Variants in VWF observed in about 807,000 individuals in gnomAD.
VWF encodes von Willebrand factor.
In VWF, 176 loss-of-function variants were observed where a neutral mutation model predicts 308.6. The ratio of observed to expected loss-of-function variants is 0.57; its 90% CI spans 0.50 to 0.65. The LOEUF (loss-of-function observed/expected upper bound fraction) is 0.65. Ranked by LOEUF, VWF falls within the 30% of genes least tolerant of loss-of-function variation. The pLI is 0.00. For synonymous variants in VWF, 1,385 were observed against 1,443.4 expected (o/e 0.96, Z 0.92); for missense variants, 3,146 against 3,648.2 (o/e 0.86, Z 3.55).
rs140419498 is a variant in VWF at position 6,121,313 on chromosome 12, G to A, written c.81C>T (p.Arg27=). 485 of 1,614,132 alleles carry A rather than the reference G, an allele frequency of 3.0e-4. No homozygotes were observed. Among genetic ancestry groups the A allele is most frequent in the African/African-American group, 6.7e-4 (50 of 75,042 alleles). The change falls in exon 3 of 52, where the codon CGC becomes CGT. Residue 27 remains arginine, a synonymous_variant. Transcript: ENST00000261405. ...LPGTLCAEGT[R]GRSSTARCSL... is the part of the protein sequence containing the mutation. ...TGCATCGGGCCGTGGATGACCTGCC[G>A]CGAGTTCCTTCTGCACAAAGGGTCC...
chr12:6,006,417 C>T (rs1182000256), intron 34 of VWF, among the ~76,000 whole-genome samples: 1 of 152,108 alleles, frequency 6.6e-6, no homozygotes, highest in Non-Finnish European at 1.5e-5. Flanking sequence ...TCCATAGTTA[C>T]TTTAAGTATA....
chr12:5,951,749 G>A (rs1315322690), intron 50 of VWF, 95 bp downstream of exon 50: 7 of 1,329,498 alleles, frequency 5.3e-6, no homozygotes, highest in South Asian at 1.2e-5. Flanking sequence ...GAACAGTCAT[G>A]CGGCTTGCTA....
intron 42 of VWF, among the ~76,000 whole-genome samples, chr12:5,977,890 A>G (rs1381920912): frequency 6.8e-6 from 1 of 147,752 alleles, no homozygotes; most frequent in Non-Finnish European, 1.5e-5. Context: ...TATATATATT[A>G]TATATTATAT....
intron 48 of VWF, 88 bp from the exon 49 acceptor site, chr12:5,952,607 A>C (rs1943204412): frequency 1.3e-6 from 2 of 1,534,300 alleles, no homozygotes; most frequent in East Asian, 4.7e-5. Flanking sequence ...CATGGAGATG[A>C]CGAAACAATC....
chr12:6,108,105 C>G (rs1945263300), intron 5 of VWF, among the ~76,000 whole-genome samples: 3 of 151,628 alleles, frequency 2.0e-5, no homozygotes, highest in Admixed American at 2.0e-4. Flanking sequence ...ACTAGCCTGG[C>G]CAACATGCTG....
chr12:5,990,868 TAAAAAAAAAAA>T (rs755717764), intron 38 of VWF, among the ~76,000 whole-genome samples: 9 of 31,444 alleles, frequency 2.9e-4, no homozygotes, highest in Admixed American at 5.0e-4. Context: ...CCCATAGAGC[TAAAAAAAAAAA>T]AAAAAAAAAA....
intron 12 of VWF, 39 bp downstream of exon 12, chr12:6,064,207 G>C (rs1944686389): frequency 1.2e-6 from 2 of 1,613,928 alleles, no homozygotes; most frequent in South Asian, 2.2e-5. Flanking sequence ...GGGATGGGCT[G>C]TGCCAGCCCC....
rs773766197 is a variant in VWF, at chr12:6,052,796, G to GAA, written c.1946-14_1946-13insTT. On this transcript the variant is annotated splice_polypyrimidine_tract_variant and intron_variant, in intron 15 of 51. Coordinates refer to ENST00000261405, the MANE Select transcript of VWF (RefSeq NM_000552.5). The stretch of plus-strand genomic sequence containing the variant: ...GGGCAGTTCAGCTCTAGAAGAGAGA[G>GAA]GAGAAGTAAGGCCTCAGCGGGAATG... 11 of 1,502,656 alleles carry GAA rather than the reference G, an allele frequency of 7.3e-6. No individual in the cohort carries two copies. Among genetic ancestry groups the GAA allele is most frequent in the Middle Eastern group, 1.7e-4 (1 of 5,846 alleles). The allele number at this position is 1,502,656 out of a possible 1,614,324, so 93.1% of individuals were successfully genotyped here.
At chr12:6,111,812 GCC>G (rs1404844323) in intron 3 of VWF, among the ~76,000 whole-genome samples, 1 of 151,918 alleles carries the variant, frequency 6.6e-6, no homozygotes, top group Non-Finnish European at 1.5e-5. Flanking sequence ...AAAAAAATTA[GCC>G]AGGCGAGGTG....
chr12:6,029,334 C>G lies in VWF; in HGVS notation c.2967+8G>C. 1 of 1,614,010 alleles carries G rather than the reference C, an allele frequency of 6.2e-7. No homozygotes were observed. The highest frequency in any genetic ancestry group is 8.5e-7 in the Non-Finnish European group (1 of 1,180,030). On this transcript the variant is annotated splice_region_variant and intron_variant, in intron 22 of 51. Transcript: ENST00000261405. The stretch of plus-strand genomic sequence containing the variant: ...TCCCCAACAAGATGAAGCAAGAAAG[C>G]CACTGACCTGGTATGTCTGCTTCAG...
intron 6 of VWF, among the ~76,000 whole-genome samples, chr12:6,084,386 G>A (rs547831687): frequency 4.6e-5 from 7 of 152,274 alleles, no homozygotes; most frequent in South Asian, 2.1e-4. Context: ...CAGGAGCTGC[G>A]GGAGAGCAGC....
At chr12:5,964,325 T>G (rs1466830494) in intron 47 of VWF, among the ~76,000 whole-genome samples, 2 of 151,196 alleles carry the variant, frequency 1.3e-5, no homozygotes, top group Admixed American at 1.3e-4. Context: ...TACCATCTAC[T>G]GTCTCATCAT....
At chr12:6,053,803 A>C (rs1944545903) in intron 15 of VWF, among the ~76,000 whole-genome samples, 1 of 152,210 alleles carries the variant, frequency 6.6e-6, no homozygotes, top group Non-Finnish European at 1.5e-5. Context: ...ACTGCTAATA[A>C]TGTTCACTGA....
chr12:5,975,944 A>G (rs1432960504), intron 43 of VWF, among the ~76,000 whole-genome samples, 167 bp downstream of exon 43: 1 of 151,848 alleles, frequency 6.6e-6, no homozygotes, highest in East Asian at 1.9e-4. Flanking sequence ...TGAACCCGGG[A>G]GGCAGAGCTT....
At chr12:6,033,735 C>T (rs1473122765) in intron 20 of VWF, among the ~76,000 whole-genome samples, 1 of 151,968 alleles carries the variant, frequency 6.6e-6, no homozygotes, top group Non-Finnish European at 1.5e-5. Context: ...CGCCCCATGC[C>T]CAGCATGCTC....
chr12:5,964,058 A>C (rs1395252551), intron 47 of VWF, among the ~76,000 whole-genome samples: 1 of 152,020 alleles, frequency 6.6e-6, no homozygotes, highest in African/African-American at 2.4e-5. Context: ...ATACAAAAAA[A>C]AGAAAAAAAT....
Position 6,058,517 on chromosome 12 carries a change from C to T in VWF, c.1534-473G>A, listed in dbSNP as rs552458812. ...ATATAGAAAGACTTCGCGTTGGTCA[C>T]TCGGTGTGGGCCCAGCAGGCTGCCA... On this transcript the variant is annotated intron_variant, in intron 13 of 51. Transcript: ENST00000261405. This position sits in a 1 kb window ranked among gnomAD's most constrained non-coding sequence, Gnocchi z 4.9. Among the ~76,000 whole-genome samples the T allele has an allele frequency of 1.3e-5, 2 of 152,186 alleles. No individual in the cohort carries two copies. Among genetic ancestry groups the T allele is most frequent in the Non-Finnish European group, 2.9e-5 (2 of 68,038 alleles).
At chr12:6,118,527 C>T (rs1409489634) in intron 3 of VWF, among the ~76,000 whole-genome samples, 2 of 151,818 alleles carry the variant, frequency 1.3e-5, no homozygotes, top group Non-Finnish European at 2.9e-5. Flanking sequence ...AGCTGGGATA[C>T]AGGCACCCAC....
chr12:6,124,133 T>C (rs1250450002), intron 1 of VWF, among the ~76,000 whole-genome samples: 1 of 152,148 alleles, frequency 6.6e-6, no homozygotes, highest in Non-Finnish European at 1.5e-5. Context: ...CGCAGGTACA[T>C]TCAGCTGCTC....
Sources: allele counts gnomAD v4.1 joint callset (sites outside exome capture counted in the v4.1 genomes callset), GRCh38; gene constraint gnomAD v4.1.1; non-coding constraint Gnocchi (gnomAD v3.1); transcripts MANE v1.5; gene names NCBI Gene and HGNC (gene_info 2026-07-23, HGNC 2026-07-21).